ZNF782: variants seen among roughly 807,000 people sequenced by gnomAD.
ZNF782 encodes zinc finger protein 782.
A neutral mutation model predicts 13.0 loss-of-function variants in ZNF782; 12 were observed. That is an observed-to-expected ratio of 0.92 (90% CI 0.59 to 1.50). The LOEUF is 1.50. ZNF782 is among the 40% of genes most tolerant of loss of function. The pLI, the probability that ZNF782 is intolerant of heterozygous loss-of-function variation, is 0.00. For synonymous variants in ZNF782, 284 were observed against 283.0 expected (o/e 1.00, Z -0.04); for missense variants, 770 against 822.9 (o/e 0.94, Z 0.79).
At chr9:96,876,943 C>CAAAAAAAAAAAAAAA (rs398011569), upstream of ZNF782, among the ~76,000 whole-genome samples, 25 of 42,816 alleles carry the variant, frequency 5.8e-4, no homozygotes, top group East Asian at 5.1e-3. Flanking sequence ...AACTCCGACT[C>CAAAAAAAAAAAAAAA]AAAAAAAAAA....
chr9:96,897,229 A>G, the ZNF782 span, among the ~76,000 whole-genome samples: 1 of 152,056 alleles, frequency 6.6e-6, no homozygotes, highest in African/African-American at 2.4e-5. Flanking sequence ...CAAATTCTAC[A>G]TTTGCCTCCA....
At chr9:96,924,973 C>T in the ZNF782 span, among the ~76,000 whole-genome samples, 1 of 152,268 alleles carries the variant, frequency 6.6e-6, no homozygotes, top group Non-Finnish European at 1.5e-5. Flanking sequence ...GCCCCGCAGA[C>T]ACTGGTGACC....
chr9:96,882,229 G>C, the ZNF782 span, among the ~76,000 whole-genome samples: 1 of 151,988 alleles, frequency 6.6e-6, no homozygotes. Context: ...AAAGTTACTA[G>C]ATCTGCATTT....
At position 96,818,976 on chromosome 9, in the gene ZNF782, G is replaced by C. The variant is rs141494924; in HGVS notation, c.1047C>G (p.Tyr349Ter). The C allele has an allele frequency of 6.2e-7, 1 of 1,614,102 alleles. No individual in the cohort carries two copies. Among genetic ancestry groups the C allele is most frequent in the Non-Finnish European group, 8.5e-7 (1 of 1,179,988 alleles). The change falls in exon 6 of 6, where the codon TAC (tyrosine) becomes TAG (stop). Residue 349 changes from tyrosine to a stop codon, truncating the protein, a stop_gained. Coordinates refer to ENST00000481138, the MANE Select transcript of ZNF782 (RefSeq NM_001001662.3). LOFTEE classifies it low-confidence loss of function (END_TRUNC). Reference sequence around the variant, plus strand: ...TCTGATGTACACTGAAAGTTGACTGGTAGCTGAATGTCTCTGTACATGGGT... The same window carrying C: ...TCTGATGTACACTGAAAGTTGACTGCTAGCTGAATGTCTCTGTACATGGGT... ...DYHPCTETFS[Y>*]QSTFSVHQKV...
rs528955312 is a variant in ZNF782, at chr9:96,840,447, C to A, written c.142+4443G>T. Among the ~76,000 whole-genome samples the A allele has an allele frequency of 4.6e-5, 7 of 152,054 alleles. No individual in the cohort carries two copies. In the South Asian group the frequency reaches 1.5e-3, roughly 32 times the overall value. On this transcript the variant is annotated intron_variant, in intron 4 of 5. Transcript: ENST00000481138. ...AAAGTAAAAAAGAGAGTTCAGTGAA[C>A]CCCTCCCCTCATGTATCCTTCACCC...
At chr9:96,874,934 A>G (rs901975226) in intron 1 of ZNF782, among the ~76,000 whole-genome samples, 1 of 152,226 alleles carries the variant, frequency 6.6e-6, no homozygotes, top group Admixed American at 6.5e-5. Flanking sequence ...GTGTGACCCA[A>G]CGGATCTGAC....
At chr9:96,912,747 T>C in the ZNF782 span, among the ~76,000 whole-genome samples, 1 of 150,894 alleles carries the variant, frequency 6.6e-6, no homozygotes, top group Non-Finnish European at 1.5e-5. Context: ...CAGGCTGGTC[T>C]CAAACTCCTG....
At chr9:96,859,575 A>C (rs1487485709) in intron 3 of ZNF782, among the ~76,000 whole-genome samples, 1 of 152,254 alleles carries the variant, frequency 6.6e-6, no homozygotes, top group African/African-American at 2.4e-5. Context: ...ATTCTTCACT[A>C]TCTGACTAAA....
At chr9:96,820,517 A>T (rs1850377392) in intron 5 of ZNF782, among the ~76,000 whole-genome samples, 1 of 146,482 alleles carries the variant, frequency 6.8e-6, no homozygotes, top group South Asian at 2.3e-4. Context: ...TTGGTTTATT[A>T]TGTCAGGGTT....
In ZNF782 at chr9:96,818,529, T is replaced by A. The variant is rs1319526243; in HGVS notation, c.1494A>T (p.Arg498Ser). 1.2e-6 allele frequency: 2 copies of A among 1,613,744 alleles called. No individual in the cohort carries two copies. Among genetic ancestry groups the A allele is most frequent in the African/African-American group, 1.3e-5 (1 of 74,896 alleles). ...TATATGGTCTTTCCCCTGTGTGAGT[T>A]CTTCGGTGATTCCTTAGGCCTGACA... ...SHMSGLRNHR[R>S]THTGERPYKC... is the part of the protein sequence containing the mutation. Residue 498 changes from arginine (R) to serine (S), a missense_variant, in exon 6 of 6, where the codon AGA becomes AGT. Transcript: ENST00000481138.
At position 96,853,018 on chromosome 9, in the gene ZNF782, T is replaced by C. The variant is rs1851546219; in HGVS notation, c.-210A>G. The stretch of plus-strand genomic sequence containing the variant: ...ATGTATCATCATGCATGGGATTCTA[T>C]GAGGTAGGGACAAAGTCTCCAGTGT... On this transcript the variant is annotated 5_prime_UTR_variant, in exon 2 of 6. Transcript: ENST00000481138. 2 of 152,586 alleles carry C rather than the reference T, an allele frequency of 1.3e-5. No homozygotes were observed. The highest frequency in any genetic ancestry group is 6.5e-5 in the Admixed American group (1 of 15,284). 9.5% of individuals were successfully genotyped at this position (152,586 alleles called of 1,614,324 possible). A position where few individuals can be genotyped will look rare whatever the true frequency, so the allele number is the denominator to read the frequency against.
At chr9:96,930,859 T>C in the ZNF782 span, among the ~76,000 whole-genome samples, 259 of 144,838 alleles carry the variant, frequency 1.8e-3, 2 homozygotes, top group African/African-American at 6.3e-3. Context: ...CTTGGGCGAG[T>C]TTCCATCCAG....
chr9:96,911,510 G>GGT, the ZNF782 span, among the ~76,000 whole-genome samples: 4 of 109,694 alleles, frequency 3.6e-5, no homozygotes, highest in South Asian at 3.0e-4. Flanking sequence ...TTTTTTTTTT[G>GGT]TTTTTGTTTT....
At chr9:96,899,763 G>C in the ZNF782 span, among the ~76,000 whole-genome samples, 2 of 152,056 alleles carry the variant, frequency 1.3e-5, no homozygotes, top group East Asian at 3.9e-4. Context: ...GCCTACTGAG[G>C]GAAACACAGC....
At chr9:96,885,799 TCCTTCCTTCCTTCC>T in the ZNF782 span, among the ~76,000 whole-genome samples, 1 of 152,044 alleles carries the variant, frequency 6.6e-6, no homozygotes, top group African/African-American at 2.4e-5. Flanking sequence ...TATTTTTCCT[TCCTTCCTTCCTTCC>T]CCTTCCTTCC....
At chr9:96,875,301 A>G (rs1851880094) in intron 1 of ZNF782, among the ~76,000 whole-genome samples, 1 of 152,218 alleles carries the variant, frequency 6.6e-6, no homozygotes, top group Non-Finnish European at 1.5e-5. Flanking sequence ...TAAATACAAT[A>G]GCAGCTGTCA....
intron 5 of ZNF782, 79 bp from the exon 6 acceptor site, chr9:96,819,857 C>T (rs1850349628): frequency 8.1e-5 from 88 of 1,083,144 alleles, no homozygotes; most frequent in Middle Eastern, 2.9e-4. Context: ...TATATATATG[C>T]CCTATTATGT....
rs769824613 is a variant in ZNF782, at chr9:96,819,316, G to T, written c.707C>A (p.Thr236Asn). 6 of 1,610,926 alleles carry T rather than the reference G, an allele frequency of 3.7e-6. No homozygotes were observed. Among genetic ancestry groups the T allele is most frequent in the Admixed American group, 3.4e-5 (2 of 59,336 alleles). ...EKAALVTSNS[T>N]HPKGKSYNFN... ...ATTGTAAGATTTTCCTTTTGGGTGGGTACTGTTAGATGTAACAAGGGCAGC... is the reference window on the plus strand; with the variant it reads ...ATTGTAAGATTTTCCTTTTGGGTGGTTACTGTTAGATGTAACAAGGGCAGC... Residue 236 changes from threonine to asparagine, a missense_variant, in exon 6 of 6, where the codon ACC becomes AAC. By Grantham distance (65) the Thr-to-Asn change is moderately conservative. Transcript: ENST00000481138.
At chr9:96,860,970 G>A (rs1851696145) in intron 2 of ZNF782, among the ~76,000 whole-genome samples, 1 of 152,228 alleles carries the variant, frequency 6.6e-6, no homozygotes, top group African/African-American at 2.4e-5. Context: ...AATCTTGGCT[G>A]GTGCAGAGGC....
Sources: allele counts gnomAD v4.1 joint callset (sites outside exome capture counted in the v4.1 genomes callset), GRCh38; gene constraint gnomAD v4.1.1; transcripts MANE v1.5; gene names NCBI Gene and HGNC (gene_info 2026-07-23, HGNC 2026-07-21).